Variants in CTNNA1 observed in about 807,000 individuals in gnomAD.
CTNNA1 encodes the protein catenin alpha 1.
CTNNA1 carries 37 observed loss-of-function variants against 98.4 expected under a neutral mutation model. That is an observed-to-expected ratio of 0.38 (90% CI 0.29 to 0.49). The LOEUF is 0.49. Among genes scored for constraint, CTNNA1 ranks in the 20% least tolerant of loss-of-function variants. CTNNA1 has a pLI of 0.95. For missense variants in CTNNA1, 761 were observed against 1,147.2 expected (o/e 0.66, Z 4.86); for synonymous variants, 404 against 413.2 (o/e 0.98, Z 0.27).
chr5:138,812,026 G>T (rs1758867782), intron 4 of CTNNA1, 157 bp from the exon 5 acceptor site: 7 of 590,046 alleles, frequency 1.2e-5, no homozygotes, highest in Non-Finnish European at 2.1e-5. Flanking sequence ...CTGTGTAATT[G>T]CTGTTTAAAT....
chr5:138,787,462 T>C (rs1181037622), intron 3 of CTNNA1, among the ~76,000 whole-genome samples: 1 of 152,088 alleles, frequency 6.6e-6, no homozygotes, highest in Non-Finnish European at 1.5e-5. Context: ...TATTCAGCTC[T>C]GCTGTTGATT....
chr5:138,875,496 G>A (rs1751285117), intron 7 of CTNNA1: 12 of 985,298 alleles, frequency 1.2e-5, no homozygotes, highest in African/African-American at 5.2e-5. Flanking sequence ...ACAATAAAGC[G>A]AGAAAGAAGA....
chr5:138,884,355 A>G (rs572268043), intron 7 of CTNNA1, among the ~76,000 whole-genome samples: 13 of 152,332 alleles, frequency 8.5e-5, no homozygotes, highest in African/African-American at 2.9e-4. Flanking sequence ...TCCAGGTAGT[A>G]GGCTTCAGAT....
chr5:138,840,639 A>G (rs1762194154), intron 7 of CTNNA1, among the ~76,000 whole-genome samples: 1 of 152,192 alleles, frequency 6.6e-6, no homozygotes, highest in Admixed American at 6.6e-5. Flanking sequence ...GAGGCCACCT[A>G]TTTAGTTTAG....
At chr5:138,875,856 G>GCCCA in intron 7 of CTNNA1, 2 of 422,976 alleles carry the variant, frequency 4.7e-6, no homozygotes, top group Non-Finnish European at 6.3e-6. Context: ...AGCTAAGTGG[G>GCCCA]CTTGGCTTGT....
intron 7 of CTNNA1, among the ~76,000 whole-genome samples, chr5:138,861,499 G>T (rs1168917062): frequency 6.6e-6 from 1 of 152,200 alleles, no homozygotes; most frequent in Non-Finnish European, 1.5e-5. Flanking sequence ...AAACTGGAAT[G>T]AAAGATTACT....
chr5:138,762,048 G>T (rs149426171), intron 1 of CTNNA1: 1 of 152,186 alleles, frequency 6.6e-6, no homozygotes, highest in African/African-American at 2.4e-5. Flanking sequence ...GACCCACTGC[G>T]CCTGGCCCAC....
chr5:138,766,865 A>G (rs1752992877), intron 1 of CTNNA1, among the ~76,000 whole-genome samples: 1 of 152,106 alleles, frequency 6.6e-6, no homozygotes, highest in African/African-American at 2.4e-5. Flanking sequence ...GGTAACGGGA[A>G]GAGGTGGGGT....
At chr5:138,765,472 G>A (rs1384803289) in intron 1 of CTNNA1, among the ~76,000 whole-genome samples, 1 of 152,170 alleles carries the variant, frequency 6.6e-6, no homozygotes, top group Non-Finnish European at 1.5e-5. Context: ...GAGAGCCACT[G>A]TGCCTGGCCA....
chr5:138,796,674 G>A (rs1308538402), intron 3 of CTNNA1, among the ~76,000 whole-genome samples: 1 of 152,188 alleles, frequency 6.6e-6, no homozygotes, highest in Non-Finnish European at 1.5e-5. Context: ...AGAAGGGAGA[G>A]TTGGAATTCC....
At chr5:138,885,051 T>C (rs1044661753) in intron 7 of CTNNA1, among the ~76,000 whole-genome samples, 3 of 152,230 alleles carry the variant, frequency 2.0e-5, no homozygotes, top group Non-Finnish European at 4.4e-5. Context: ...GTTGTCTCCT[T>C]TCTGCCCTTT....
At chr5:138,829,371 A>G (rs1430131687) in intron 7 of CTNNA1, among the ~76,000 whole-genome samples, 3 of 152,200 alleles carry the variant, frequency 2.0e-5, no homozygotes, top group East Asian at 1.9e-4. Flanking sequence ...ATCTGCTATC[A>G]TGGGTAGTGC....
At chr5:138,926,819 G>A (rs1764161467) in intron 13 of CTNNA1, among the ~76,000 whole-genome samples, 2 of 152,256 alleles carry the variant, frequency 1.3e-5, no homozygotes, top group South Asian at 4.1e-4. Flanking sequence ...GGTGTGGCCT[G>A]CTGGGAAGTC....
rs1765938436 is a variant in CTNNA1 at position 138,933,703 on chromosome 5, T to C, written c.2434-99T>C. The C allele has an allele frequency of 5.5e-6, 7 of 1,278,044 alleles. No individual in the cohort carries two copies. In the Admixed American group the frequency reaches 6.9e-5, roughly 13 times the overall value. The allele number at this position is 1,278,044 out of a possible 1,614,324, so 79.2% of individuals were successfully genotyped here. On this transcript the variant is annotated intron_variant, in intron 17 of 17. Transcript: ENST00000302763. ...CTGCGACCTGCCCAGGCCCTGGTCT[T>C]GCAGAGGAGTAGGGGGCTCCCCTTC...
chr5:138,868,741 CCT>C (rs1765048927), intron 7 of CTNNA1, among the ~76,000 whole-genome samples: 2 of 152,112 alleles, frequency 1.3e-5, no homozygotes, highest in East Asian at 3.9e-4. Flanking sequence ...CCTAGTTTTA[CCT>C]CTCTCTGAAG....
At chr5:138,781,898 G>C in intron 1 of CTNNA1, 25 bp from the exon 2 acceptor site, 1 of 1,565,178 alleles carries the variant, frequency 6.4e-7, no homozygotes, top group Non-Finnish European at 8.6e-7. Flanking sequence ...ATGTTTGCCT[G>C]ACTGACTTTT....
At chr5:138,909,580 C>A (rs1327758286) in intron 10 of CTNNA1, among the ~76,000 whole-genome samples, 1 of 152,076 alleles carries the variant, frequency 6.6e-6, no homozygotes, top group East Asian at 1.9e-4. Flanking sequence ...GTCAGGTGAT[C>A]CTCCCACCTG....
At chr5:138,875,583 A>G in intron 7 of CTNNA1, 1 of 985,484 alleles carries the variant, frequency 1.0e-6, no homozygotes, top group Non-Finnish European at 1.2e-6. Context: ...GCATTCAAGA[A>G]GACCCATCTG....
At chr5:138,863,484 A>T (rs1017663610) in intron 7 of CTNNA1, among the ~76,000 whole-genome samples, 8 of 152,208 alleles carry the variant, frequency 5.3e-5, no homozygotes, top group African/African-American at 1.9e-4. Context: ...GGGCTCAAGC[A>T]GTCCTCCTGC....
Sources: gnomAD v4.1 joint callset for allele counts (sites outside exome capture counted in the v4.1 genomes callset) on GRCh38, gnomAD v4.1.1 for gene constraint, MANE v1.5 for transcripts, NCBI Gene and HGNC (gene_info 2026-07-23, HGNC 2026-07-21) for gene names.